The following ADAMTS12 variants were observed in gnomAD, a reference collection of about 807,000 sequenced individuals.
ADAMTS12 encodes the protein A disintegrin and metalloproteinase with thrombospondin motifs 12.
In ADAMTS12, 118 loss-of-function variants were observed where a neutral mutation model predicts 167.8. The ratio of observed to expected loss-of-function variants is 0.70; its 90% confidence interval spans 0.61 to 0.82. The LOEUF is 0.82. ADAMTS12 is among the 40% of genes least tolerant of loss of function. The probability of loss-of-function intolerance (pLI) is 0.00; values close to 1 mark genes in which losing one functional copy is unlikely to be tolerated. For missense variants in ADAMTS12, 1,916 were observed against 1,998.8 expected (o/e 0.96, Z 0.79); for synonymous variants, 704 against 716.9 (o/e 0.98, Z 0.29).
intron 5 of ADAMTS12, among the ~76,000 whole-genome samples, chr5:33,681,273 A>G (rs1742100958): frequency 6.6e-6 from 1 of 152,238 alleles, no homozygotes. Flanking sequence ...AAAATAATCT[A>G]ACACACACGA....
chr5:33,838,343 G>A (rs1033355018), intron 2 of ADAMTS12, among the ~76,000 whole-genome samples: 1 of 152,138 alleles, frequency 6.6e-6, no homozygotes, highest in Admixed American at 6.6e-5. Flanking sequence ...TAGAAAAAGA[G>A]GAATAAATGC....
chr5:33,613,604 A>G (rs1231900522), intron 16 of ADAMTS12, among the ~76,000 whole-genome samples: 1 of 152,192 alleles, frequency 6.6e-6, no homozygotes, highest in Non-Finnish European at 1.5e-5. Context: ...TATGTAGGAA[A>G]TGAAGCAGAG....
intron 16 of ADAMTS12, among the ~76,000 whole-genome samples, chr5:33,597,104 C>G (rs903745029): frequency 1.3e-5 from 2 of 152,136 alleles, no homozygotes; most frequent in African/African-American, 4.8e-5. Context: ...TTATCATTAT[C>G]TGACAGGCGA....
At chr5:33,549,171 T>A (rs765451196) in intron 21 of ADAMTS12, 36 bp downstream of exon 21, 1 of 1,598,718 alleles carries the variant, frequency 6.3e-7, no homozygotes, top group Non-Finnish European at 8.6e-7. Flanking sequence ...CTTGCCAGGT[T>A]GTGTGAGGAC....
chr5:33,841,325 G>T (rs1011682044), intron 2 of ADAMTS12, among the ~76,000 whole-genome samples: 1 of 152,200 alleles, frequency 6.6e-6, no homozygotes, highest in Non-Finnish European at 1.5e-5. Flanking sequence ...CTAAGGCAAA[G>T]TCTTCTCACT....
At chr5:33,814,326 A>G (rs1747571999) in intron 2 of ADAMTS12, among the ~76,000 whole-genome samples, 1 of 152,166 alleles carries the variant, frequency 6.6e-6, no homozygotes, top group South Asian at 2.1e-4. Context: ...CTAATTCACC[A>G]TTGCAATTAT....
intron 19 of ADAMTS12, among the ~76,000 whole-genome samples, chr5:33,567,605 C>T (rs979661154): frequency 5.9e-5 from 9 of 152,140 alleles, no homozygotes; most frequent in East Asian, 5.8e-4. Context: ...TGGGGGAATC[C>T]GAACACTATC....
intron 7 of ADAMTS12, among the ~76,000 whole-genome samples, chr5:33,652,124 T>C (rs1419171254): frequency 4.6e-5 from 7 of 152,140 alleles, no homozygotes; most frequent in Admixed American, 1.3e-4. Context: ...ATAATTTCTC[T>C]TCCTTTGGGT....
At chr5:33,644,640 GTTAAGGGCTTC>G (rs1343529985) in intron 9 of ADAMTS12, among the ~76,000 whole-genome samples, 1 of 151,904 alleles carries the variant, frequency 6.6e-6, no homozygotes, top group East Asian at 1.9e-4. Flanking sequence ...TTAAGGGCTT[GTTAAGGGCTTC>G]TTAAGGGCTT....
chr5:33,732,096 C>G (rs569709907), intron 3 of ADAMTS12, among the ~76,000 whole-genome samples: 6 of 152,000 alleles, frequency 3.9e-5, no homozygotes, highest in African/African-American at 1.5e-4. Context: ...ACCAGGACTG[C>G]GCAGGCTGAG....
intron 3 of ADAMTS12, among the ~76,000 whole-genome samples, chr5:33,738,116 G>A (rs1011599951): frequency 2.0e-5 from 3 of 152,152 alleles, no homozygotes; most frequent in African/African-American, 7.2e-5. Context: ...AAGATTGCCA[G>A]AAGATTCATC....
chr5:33,700,200 G>A (rs192349475), intron 3 of ADAMTS12, among the ~76,000 whole-genome samples: 18 of 152,246 alleles, frequency 1.2e-4, no homozygotes, highest in African/African-American at 3.1e-4. Context: ...TTACTCTTGG[G>A]CATTTATCCC....
intron 19 of ADAMTS12, among the ~76,000 whole-genome samples, chr5:33,563,203 G>C (rs1745831740): frequency 1.3e-5 from 2 of 152,138 alleles, no homozygotes. Flanking sequence ...AGAGATAACA[G>C]CTGAAGTACT....
At chr5:33,745,887 T>C (rs374959102) in intron 3 of ADAMTS12, among the ~76,000 whole-genome samples, 42 of 152,294 alleles carry the variant, frequency 2.8e-4, no homozygotes, top group African/African-American at 9.6e-4. Context: ...TATACATTCA[T>C]GCATTAAGCA....
intron 2 of ADAMTS12, among the ~76,000 whole-genome samples, chr5:33,820,574 A>G (rs574086637): frequency 4.6e-5 from 7 of 152,178 alleles, no homozygotes; most frequent in Non-Finnish European, 1.0e-4. Context: ...GACTGAGAGA[A>G]GAAATTTCTG....
chr5:33,751,634 G>T, intron 2 of ADAMTS12, 86 bp from the exon 3 acceptor site: 1 of 1,370,760 alleles, frequency 7.3e-7, no homozygotes, highest in Non-Finnish European at 1.0e-6. Context: ...TAGCTTATGA[G>T]TATCTCTGAA....
chr5:33,643,080 T>A (rs1740525966), intron 10 of ADAMTS12, among the ~76,000 whole-genome samples: 1 of 152,180 alleles, frequency 6.6e-6, no homozygotes, highest in African/African-American at 2.4e-5. Context: ...AGGCTGATAA[T>A]AAGCTTAGGA....
chr5:33,661,891 G>C lies in ADAMTS12; in HGVS notation c.1040+25C>G, dbSNP rs770942517. On this transcript the variant is annotated intron_variant, in intron 6 of 23. Transcript: ENST00000504830. ...CATCCCTCCCTGCTTTACTGCCCCT[G>C]GGTTTCATGTAGTCTCTGGTGTACC... 6.3e-5 allele frequency: 101 copies of C among 1,612,292 alleles called. 2 individuals are homozygous for C. In the South Asian group the frequency reaches 1.0e-3, roughly 16 times the overall value.
Position 33,798,951 on chromosome 5 carries a change from C to T in ADAMTS12, c.490-47403G>A, listed in dbSNP as rs866090975. On this transcript the variant is annotated intron_variant, in intron 2 of 23. Transcript: ENST00000504830. Reference sequence around the variant, plus strand: ...CATCTGTGCAATCCCCTGCTTTCTTCCTGTGTGAGCTTCAATGGGAGACAT... The same window carrying T: ...CATCTGTGCAATCCCCTGCTTTCTTTCTGTGTGAGCTTCAATGGGAGACAT... 2.6e-5 allele frequency among the ~76,000 whole-genome samples: 4 copies of T among 152,158 alleles called. No individual in the cohort carries two copies. In the South Asian group the frequency reaches 8.3e-4, roughly 32 times the overall value.
Sources: gnomAD v4.1 joint callset for allele counts (sites outside exome capture counted in the v4.1 genomes callset) on GRCh38, gnomAD v4.1.1 for gene constraint, MANE v1.5 for transcripts, NCBI Gene and HGNC (gene_info 2026-07-23, HGNC 2026-07-21) for gene names.